The following KIAA1217 variants were observed in gnomAD, a reference collection of about 807,000 sequenced individuals.
KIAA1217 encodes KIAA1217, also known as sickle tail protein homolog.
In KIAA1217, 88 loss-of-function variants were observed where a neutral mutation model predicts 163.9. The ratio of observed to expected loss-of-function variants is 0.54; its 90% CI spans 0.45 to 0.64. The LOEUF (loss-of-function observed/expected upper bound fraction) is 0.64. Ranked by LOEUF, KIAA1217 falls within the 30% of genes least tolerant of loss-of-function variation. The pLI is 0.00. For missense variants in KIAA1217, 2,372 were observed against 2,475.0 expected (o/e 0.96, Z 0.88); for synonymous variants, 903 against 923.1 (o/e 0.98, Z 0.39).
chr10:24,324,167 C>A (rs761411552), intron 2 of KIAA1217, among the ~76,000 whole-genome samples: 3 of 152,020 alleles, frequency 2.0e-5, no homozygotes, highest in Non-Finnish European at 4.4e-5. Context: ...ACCACGGAGG[C>A]TGAGACAGGA....
At chr10:24,222,255 G>A (rs562989272) in intron 2 of KIAA1217, among the ~76,000 whole-genome samples, 2 of 152,320 alleles carry the variant, frequency 1.3e-5, no homozygotes, top group Non-Finnish European at 2.9e-5. Flanking sequence ...CTGGCCAGCT[G>A]TCCCTTCTCT....
chr10:24,093,265 GGTTCCAGTTA>G (rs1338691662), intron 2 of KIAA1217, among the ~76,000 whole-genome samples: 1 of 151,656 alleles, frequency 6.6e-6, no homozygotes, highest in Non-Finnish European at 1.5e-5. Context: ...CCACCTGCTG[GGTTCCAGTTA>G]TTCTCCTGCC....
At chr10:23,916,557 A>G (rs1842640083) in intron 1 of KIAA1217, among the ~76,000 whole-genome samples, 1 of 152,192 alleles carries the variant, frequency 6.6e-6, no homozygotes, top group Non-Finnish European at 1.5e-5. Context: ...TAGAATAAAT[A>G]CATAGTACCT....
At chr10:24,115,227 C>A (rs531690585) in intron 2 of KIAA1217, among the ~76,000 whole-genome samples, 6 of 152,294 alleles carry the variant, frequency 3.9e-5, no homozygotes, top group African/African-American at 1.2e-4. Context: ...ATAGCAGGAG[C>A]TCAAGAAATA....
intron 1 of KIAA1217, among the ~76,000 whole-genome samples, chr10:23,789,319 C>A (rs1835633649): frequency 6.6e-6 from 1 of 152,158 alleles, no homozygotes; most frequent in Non-Finnish European, 1.5e-5. Flanking sequence ...GTACAGTACA[C>A]TGATTATCTG....
At chr10:24,180,280 CTTTTTTTTT>C (rs34268461) in intron 2 of KIAA1217, among the ~76,000 whole-genome samples, 6 of 83,180 alleles carry the variant, frequency 7.2e-5, no homozygotes, top group South Asian at 4.8e-4. Flanking sequence ...CCTCAACCTT[CTTTTTTTTT>C]TTTTTTTTTT....
At chr10:24,475,763 C>A (rs114386078) in intron 6 of KIAA1217, among the ~76,000 whole-genome samples, 195 of 152,148 alleles carry the variant, frequency 1.3e-3, no homozygotes, top group African/African-American at 4.5e-3. Flanking sequence ...GGGAACAGAC[C>A]AATGTGACAT....
chr10:23,904,632 A>C (rs1240780957), intron 1 of KIAA1217, among the ~76,000 whole-genome samples: 2 of 152,088 alleles, frequency 1.3e-5, no homozygotes, highest in Non-Finnish European at 2.9e-5. Flanking sequence ...GAGTACTTCC[A>C]CCTGGAAGTG....
intron 2 of KIAA1217, among the ~76,000 whole-genome samples, chr10:24,024,153 A>C (rs1053104766): frequency 4.0e-5 from 6 of 151,684 alleles, no homozygotes; most frequent in Non-Finnish European, 7.4e-5. Context: ...TATAATTTAT[A>C]AATATTAATA....
intron 2 of KIAA1217, among the ~76,000 whole-genome samples, chr10:24,163,667 T>C (rs2065219645): frequency 6.6e-6 from 1 of 152,246 alleles, no homozygotes; most frequent in Non-Finnish European, 1.5e-5. Flanking sequence ...ATTCTACATA[T>C]GCAAGTGAAT....
intron 1 of KIAA1217, among the ~76,000 whole-genome samples, chr10:23,869,745 C>G (rs540497704): frequency 6.6e-6 from 1 of 151,970 alleles, no homozygotes; most frequent in African/African-American, 2.4e-5. Flanking sequence ...GTACCACGGC[C>G]GCCAAGAATT....
intron 6 of KIAA1217, among the ~76,000 whole-genome samples, chr10:24,484,140 T>C: frequency 6.8e-6 from 1 of 147,576 alleles, no homozygotes; most frequent in Admixed American, 6.8e-5. Flanking sequence ...TATGTGTATA[T>C]ATATGTATAT....
chr10:23,977,646 A>G (rs1404264916), intron 1 of KIAA1217, among the ~76,000 whole-genome samples: 1 of 152,248 alleles, frequency 6.6e-6, no homozygotes, highest in Non-Finnish European at 1.5e-5. Flanking sequence ...TAAAGCCCTC[A>G]CAGTGTTATA....
At chr10:23,981,639 C>A (rs1185080623) in intron 1 of KIAA1217, among the ~76,000 whole-genome samples, 2 of 152,122 alleles carry the variant, frequency 1.3e-5, no homozygotes, top group Non-Finnish European at 2.9e-5. Context: ...TGTTATTCAG[C>A]CTGGAGTCGG....
At chr10:23,913,890 G>A (rs1842538057) in intron 1 of KIAA1217, among the ~76,000 whole-genome samples, 1 of 152,116 alleles carries the variant, frequency 6.6e-6, no homozygotes. Context: ...CCTCACACAG[G>A]GAAGGCATGG....
intron 2 of KIAA1217, among the ~76,000 whole-genome samples, chr10:24,293,797 T>C (rs2079365991): frequency 6.6e-6 from 1 of 152,176 alleles, no homozygotes; most frequent in Non-Finnish European, 1.5e-5. Flanking sequence ...CAGTCCTGAG[T>C]GCCTATTAAT....
At position 23,790,532 on chromosome 10, in the gene KIAA1217, C is replaced by CATATGTATATATACAT. The variant is rs1554795158; in HGVS notation, c.-321+95302_-321+95303insGTATATATACATATAT. 1.7e-4 allele frequency among the ~76,000 whole-genome samples: 14 copies of CATATGTATATATACAT among 80,396 alleles called. 2 individuals are homozygous for CATATGTATATATACAT. The highest frequency in any genetic ancestry group is 1.0e-3 in the South Asian group (3 of 3,010). The allele number at this position is 80,396 out of a possible 152,430, so 52.7% of individuals were successfully genotyped here. The stretch of plus-strand genomic sequence containing the variant: ...ATACATATGTATATATACATATATA[C>CATATGTATATATACAT]ATATACATGTGCATATATACATATG... On this transcript the variant is annotated intron_variant, in intron 1 of 18. Coordinates refer to the KIAA1217 transcript ENST00000376462.
At chr10:23,736,129 T>C (rs564836848) in intron 1 of KIAA1217, among the ~76,000 whole-genome samples, 76 of 144,706 alleles carry the variant, frequency 5.3e-4, no homozygotes, top group Middle Eastern at 7.1e-3. Flanking sequence ...GGTAGTCAAA[T>C]GTATCAATCA....
intron 1 of KIAA1217, among the ~76,000 whole-genome samples, chr10:23,968,659 C>T (rs139932893): frequency 4.6e-4 from 70 of 152,262 alleles, no homozygotes; most frequent in African/African-American, 1.5e-3. Context: ...TAGACAATGA[C>T]GAATCTACTT....
Sources: allele counts gnomAD v4.1 joint callset (sites outside exome capture counted in the v4.1 genomes callset), GRCh38; gene constraint gnomAD v4.1.1; transcripts MANE v1.5; gene names NCBI Gene and HGNC (gene_info 2026-07-23, HGNC 2026-07-21).